EXOC4: variants seen among roughly 807,000 people sequenced by gnomAD.
EXOC4 encodes the protein exocyst complex component 4, also known as SEC8-like 1.
EXOC4 carries 71 observed loss-of-function variants against 107.2 expected under a neutral mutation model. The ratio of observed to expected loss-of-function variants is 0.66; its 90% confidence interval spans 0.55 to 0.81. The LOEUF (loss-of-function observed/expected upper bound fraction) is 0.81, where lower values mean the gene tolerates loss of function less well. Ranked by LOEUF, EXOC4 falls within the 30% of genes least tolerant of loss-of-function variation. EXOC4 has a pLI of 0.00. For missense variants in EXOC4, 1,108 were observed against 1,189.6 expected (o/e 0.93, Z 1.01); for synonymous variants, 456 against 441.2 (o/e 1.03, Z -0.42).
chr7:133,360,686 G>A (rs545923494), intron 6 of EXOC4, among the ~76,000 whole-genome samples: 59 of 152,312 alleles, frequency 3.9e-4, no homozygotes, highest in African/African-American at 1.4e-3. Context: ...GCTAAAAGTA[G>A]TTGTGTTTGG....
At chr7:133,444,798 G>T (rs541977519) in intron 7 of EXOC4, among the ~76,000 whole-genome samples, 1 of 152,256 alleles carries the variant, frequency 6.6e-6, no homozygotes, top group African/African-American at 2.4e-5. Flanking sequence ...GAGCAGGTTG[G>T]TCGGTGGTGT....
chr7:133,309,256 T>G (rs1794817831), intron 4 of EXOC4, among the ~76,000 whole-genome samples: 1 of 152,076 alleles, frequency 6.6e-6, no homozygotes, highest in African/African-American at 2.4e-5. Context: ...TAAAACCAGG[T>G]CAGTTACACA....
At chr7:133,971,401 G>A (rs149081065) in intron 14 of EXOC4, among the ~76,000 whole-genome samples, 20,912 of 106,542 alleles carry the variant, frequency 0.2, 1,901 homozygotes, top group East Asian at 0.29. Flanking sequence ...GAGAGAGAGA[G>A]AAAGAGAGAG....
Position 133,375,009 on chromosome 7 carries a change from G to A in EXOC4, c.1182+7G>A, listed in dbSNP as rs1473063700. On this transcript the variant is annotated splice_region_variant and intron_variant, in intron 7 of 17. Transcript: ENST00000253861. ...GATCCAAGATGTTCTACAGGTAAGA[G>A]CCTTTTACAAAGGGTGTCATCTTGA... is the stretch of plus-strand genomic sequence containing the variant. 3 of 1,609,392 alleles carry A rather than the reference G, an allele frequency of 1.9e-6. No individual in the cohort carries two copies. Among genetic ancestry groups the A allele is most frequent in the Non-Finnish European group, 2.5e-6 (3 of 1,177,888 alleles).
intron 8 of EXOC4, among the ~76,000 whole-genome samples, chr7:133,477,824 T>TGCTAA (rs1799054844): frequency 6.6e-6 from 1 of 152,234 alleles, no homozygotes; most frequent in African/African-American, 2.4e-5. Flanking sequence ...GACAAAACTC[T>TGCTAA]TCAGCAAGTT....
intron 9 of EXOC4, among the ~76,000 whole-genome samples, chr7:133,539,367 T>C (rs1246073501): frequency 6.6e-6 from 1 of 152,170 alleles, no homozygotes; most frequent in Admixed American, 6.5e-5. Flanking sequence ...CCTGTATCTC[T>C]TTTTACCCTT....
At chr7:133,389,595 A>AAGG (rs35982893) in intron 7 of EXOC4, among the ~76,000 whole-genome samples, 5 of 95,340 alleles carry the variant, frequency 5.2e-5, no homozygotes, top group African/African-American at 8.5e-5. Flanking sequence ...AAAAAAAAAA[A>AAGG]GAGAGTCTTA....
chr7:133,487,924 T>C (rs1485835494), intron 9 of EXOC4, among the ~76,000 whole-genome samples: 2 of 152,296 alleles, frequency 1.3e-5, no homozygotes, highest in African/African-American at 4.8e-5. Context: ...AAGTATATTT[T>C]TGGCTATTCT....
At chr7:133,754,178 C>A (rs527820649) in intron 10 of EXOC4, among the ~76,000 whole-genome samples, 22 of 152,226 alleles carry the variant, frequency 1.4e-4, no homozygotes, top group African/African-American at 4.6e-4. Context: ...CAGGTCTTAG[C>A]CTGTTGGAGG....
intron 9 of EXOC4, among the ~76,000 whole-genome samples, chr7:133,483,694 A>G (rs555157283): frequency 1.3e-5 from 2 of 152,360 alleles, no homozygotes; most frequent in South Asian, 4.1e-4. Flanking sequence ...TGGTGAGAGA[A>G]TAAATCAGTG....
chr7:133,877,019 C>T (rs1321741771), intron 11 of EXOC4, among the ~76,000 whole-genome samples: 2 of 151,798 alleles, frequency 1.3e-5, no homozygotes, highest in Non-Finnish European at 2.9e-5. Context: ...TTTCTCTGCA[C>T]CCCCCACCCC....
intron 5 of EXOC4, among the ~76,000 whole-genome samples, chr7:133,329,491 GA>G (rs577042199): frequency 4.6e-5 from 7 of 152,026 alleles, no homozygotes; most frequent in Non-Finnish European, 1.0e-4. Flanking sequence ...TGATCCTTAG[GA>G]GAAGAGGCAT....
chr7:134,001,575 C>T (rs1585312974), intron 15 of EXOC4, among the ~76,000 whole-genome samples: 1 of 152,034 alleles, frequency 6.6e-6, no homozygotes, highest in Non-Finnish European at 1.5e-5. Flanking sequence ...AAGCTCTCAC[C>T]TCCAGTTCAT....
chr7:134,037,166 GA>G (rs952391932), intron 17 of EXOC4, among the ~76,000 whole-genome samples: 15 of 152,286 alleles, frequency 9.8e-5, no homozygotes, highest in African/African-American at 3.4e-4. Flanking sequence ...GAGGAGAGAT[GA>G]AAGGCAGCAA....
chr7:133,780,204 A>G (rs1403559957), intron 10 of EXOC4, among the ~76,000 whole-genome samples: 2 of 151,680 alleles, frequency 1.3e-5, no homozygotes, highest in Admixed American at 6.6e-5. Context: ...AGTGCCCTAA[A>G]TGCTTTAGTA....
At chr7:133,499,381 G>C (rs1346472593) in intron 9 of EXOC4, among the ~76,000 whole-genome samples, 2 of 152,046 alleles carry the variant, frequency 1.3e-5, no homozygotes, top group Non-Finnish European at 2.9e-5. Context: ...TTAGACAGTA[G>C]CTTAGGTATT....
chr7:133,278,370 G>A (rs771782025), intron 2 of EXOC4, among the ~76,000 whole-genome samples: 17 of 152,142 alleles, frequency 1.1e-4, no homozygotes, highest in Non-Finnish European at 7.4e-5. Flanking sequence ...TATAAGTAAA[G>A]TGTGGTATAG....
intron 5 of EXOC4, among the ~76,000 whole-genome samples, chr7:133,327,174 G>A (rs898321881): frequency 2.6e-5 from 4 of 152,154 alleles, no homozygotes; most frequent in Non-Finnish European, 4.4e-5. Context: ...GCGATGCTTC[G>A]CCCTGCTTCA....
intron 7 of EXOC4, among the ~76,000 whole-genome samples, chr7:133,381,077 TG>T (rs1554444120): frequency 2.0e-5 from 3 of 152,204 alleles, no homozygotes; most frequent in Non-Finnish European, 4.4e-5. Context: ...TTCTTAACTA[TG>T]TATTCTACTC....
Sources: gnomAD v4.1 joint callset for allele counts (sites outside exome capture counted in the v4.1 genomes callset) on GRCh38, gnomAD v4.1.1 for gene constraint, MANE v1.5 for transcripts, NCBI Gene and HGNC (gene_info 2026-07-23, HGNC 2026-07-21) for gene names.